Variants in PCDH15 observed in about 807,000 individuals in gnomAD.
PCDH15 encodes the protein protocadherin-15.
In PCDH15, 129 loss-of-function variants were observed where a neutral mutation model predicts 178.5. That is an observed-to-expected ratio of 0.72 (90% CI 0.63 to 0.84). The LOEUF is 0.84. Among genes scored for constraint, PCDH15 ranks in the 40% least tolerant of loss-of-function variants. The pLI, the probability that PCDH15 is intolerant of heterozygous loss-of-function variation, is 0.00. For missense variants in PCDH15, 2,230 were observed against 2,099.9 expected (o/e 1.06, Z -1.21); for synonymous variants, 800 against 732.0 (o/e 1.09, Z -1.50).
At chr10:55,147,561 G>A (rs1941127272) in intron 2 of PCDH15, among the ~76,000 whole-genome samples, 1 of 151,370 alleles carries the variant, frequency 6.6e-6, no homozygotes, top group Middle Eastern at 3.4e-3. Context: ...GTTCAAATAA[G>A]TTCATATATC....
chr10:53,849,746 C>T (rs1283045248), intron 28 of PCDH15, among the ~76,000 whole-genome samples: 2 of 150,928 alleles, frequency 1.3e-5, no homozygotes, highest in Non-Finnish European at 2.9e-5. Flanking sequence ...CACCTGTAGT[C>T]CCAGCAATTC....
At chr10:54,584,806 T>A (rs145688659) in intron 2 of PCDH15, among the ~76,000 whole-genome samples, 53 of 152,198 alleles carry the variant, frequency 3.5e-4, no homozygotes, top group African/African-American at 1.3e-3. Context: ...TAAATCAGAA[T>A]CATGGCTGTA....
chr10:54,397,364 A>G (rs757775341), intron 3 of PCDH15, among the ~76,000 whole-genome samples: 1 of 152,068 alleles, frequency 6.6e-6, no homozygotes, highest in Non-Finnish European at 1.5e-5. Context: ...AAACAATTAA[A>G]TGTGGTCCAA....
intron 14 of PCDH15, among the ~76,000 whole-genome samples, chr10:54,149,965 T>C (rs2044361882): frequency 6.6e-6 from 1 of 152,062 alleles, no homozygotes; most frequent in South Asian, 2.1e-4. Context: ...AGGATGACTC[T>C]AAGGGTGTTT....
chr10:54,930,074 T>C (rs1554815651), intron 2 of PCDH15, among the ~76,000 whole-genome samples: 1 of 152,144 alleles, frequency 6.6e-6, no homozygotes, highest in Non-Finnish European at 1.5e-5. Flanking sequence ...GCTGTGCCAA[T>C]AGTAAAAGTC....
chr10:55,349,151 C>A (rs1844841652), intron 2 of PCDH15, among the ~76,000 whole-genome samples: 1 of 152,054 alleles, frequency 6.6e-6, no homozygotes, highest in African/African-American at 2.4e-5. Flanking sequence ...CTTCTGTAGT[C>A]ATGGACCAGG....
chr10:55,534,890 A>G (rs1841536587), intron 2 of PCDH15, among the ~76,000 whole-genome samples: 1 of 152,158 alleles, frequency 6.6e-6, no homozygotes, highest in South Asian at 2.1e-4. Flanking sequence ...GCCATAAAAA[A>G]TAATAAAATC....
At chr10:55,217,895 T>C (rs1840752044) in intron 1 of PCDH15, among the ~76,000 whole-genome samples, 1 of 151,994 alleles carries the variant, frequency 6.6e-6, no homozygotes, top group Non-Finnish European at 1.5e-5. Context: ...CTTGTTAGTC[T>C]AACAGCTTTT....
intron 2 of PCDH15, among the ~76,000 whole-genome samples, chr10:55,508,162 T>G (rs1428222074): frequency 6.6e-6 from 1 of 151,762 alleles, no homozygotes; most frequent in African/African-American, 2.4e-5. Flanking sequence ...TTTACATGTT[T>G]TGGCTCTACC....
At chr10:54,992,835 G>A (rs1839536968) in intron 2 of PCDH15, among the ~76,000 whole-genome samples, 1 of 151,866 alleles carries the variant, frequency 6.6e-6, no homozygotes, top group Admixed American at 6.6e-5. Context: ...TAGCTTTTGG[G>A]TCTCTGGTTT....
chr10:54,910,276 T>A (rs1257159247), intron 2 of PCDH15, among the ~76,000 whole-genome samples: 1 of 151,934 alleles, frequency 6.6e-6, no homozygotes, highest in Non-Finnish European at 1.5e-5. Flanking sequence ...CAAGGTACAA[T>A]CTCCCCTGCA....
intron 2 of PCDH15, among the ~76,000 whole-genome samples, chr10:54,646,581 G>T (rs562670163): frequency 1.3e-5 from 2 of 152,104 alleles, no homozygotes; most frequent in African/African-American, 4.8e-5. Flanking sequence ...TTATTACTAA[G>T]GTATTAAAAT....
Position 54,049,216 on chromosome 10 carries a change from G to A in PCDH15, c.2220+17541C>T, listed in dbSNP as rs73235757. 4.7e-3 allele frequency among the ~76,000 whole-genome samples: 715 copies of A among 152,086 alleles called. 6 individuals carry two copies. The highest frequency in any genetic ancestry group is 0.02 in the Middle Eastern group (6 of 294). On this transcript the variant is annotated intron_variant, in intron 18 of 37. Coordinates refer to ENST00000644397, the MANE Select transcript of PCDH15 (RefSeq NM_001384140.1). ...AAATGCCACTGATTTTTTTTACCTTGATTTTTGTATCCTAAAACTTTACTG... is the reference window on the plus strand; with the variant it reads ...AAATGCCACTGATTTTTTTTACCTTAATTTTTGTATCCTAAAACTTTACTG...
intron 1 of PCDH15, among the ~76,000 whole-genome samples, chr10:55,183,126 AGTT>A (rs1839697771): frequency 2.6e-5 from 4 of 152,126 alleles, no homozygotes; most frequent in South Asian, 2.1e-4. Flanking sequence ...ATTTTGAAAA[AGTT>A]GTTACTTATC....
At chr10:54,032,635 A>AT (rs1315356425) in intron 18 of PCDH15, among the ~76,000 whole-genome samples, 1 of 152,054 alleles carries the variant, frequency 6.6e-6, no homozygotes, top group Non-Finnish European at 1.5e-5. Context: ...AATAAGACAC[A>AT]TTTTGTTCTT....
At chr10:54,975,368 A>C (rs1329091169) in intron 2 of PCDH15, among the ~76,000 whole-genome samples, 2 of 152,186 alleles carry the variant, frequency 1.3e-5, no homozygotes, top group African/African-American at 4.8e-5. Context: ...AAGAGTGTGT[A>C]TGCATAGTCT....
chr10:54,060,013 A>G (rs1167800237), intron 18 of PCDH15, among the ~76,000 whole-genome samples: 1 of 152,230 alleles, frequency 6.6e-6, no homozygotes, highest in Non-Finnish European at 1.5e-5. Flanking sequence ...AGATGAATAA[A>G]CAAAAATACA....
intron 3 of PCDH15, among the ~76,000 whole-genome samples, chr10:54,501,887 T>C (rs2080727531): frequency 6.6e-6 from 1 of 152,146 alleles, no homozygotes; most frequent in Admixed American, 6.6e-5. Flanking sequence ...AATACTTGTA[T>C]TTTCCAATTT....
At chr10:55,363,173 T>C (rs1845270889) in intron 2 of PCDH15, among the ~76,000 whole-genome samples, 1 of 152,138 alleles carries the variant, frequency 6.6e-6, no homozygotes, top group African/African-American at 2.4e-5. Context: ...ATCCAAGAGG[T>C]CTTGCACATT....
Sources: allele counts gnomAD v4.1 joint callset (sites outside exome capture counted in the v4.1 genomes callset), GRCh38; gene constraint gnomAD v4.1.1; transcripts MANE v1.5; gene names NCBI Gene and HGNC (gene_info 2026-07-23, HGNC 2026-07-21).